Variants in DCC observed in about 807,000 individuals in gnomAD.
The protein encoded by DCC is DCC netrin 1 receptor, also known as netrin receptor DCC.
A neutral mutation model predicts 172.5 loss-of-function variants in DCC; 58 were observed. The observed-to-expected ratio is 0.34, with a 90% CI of 0.27 to 0.42. The LOEUF (loss-of-function observed/expected upper bound fraction) is 0.42, where lower values mean the gene tolerates loss of function less well. DCC is among the 10% of genes least tolerant of loss of function. DCC has a pLI of 1.00. For synonymous variants in DCC, 709 were observed against 644.5 expected, an observed-to-expected ratio of 1.10 and a Z score of -1.52; for missense variants, 1,740 against 1,791.0, an observed-to-expected ratio of 0.97 and a Z score of 0.51.
chr18:53,247,998 C>T (rs905815148), intron 12 of DCC, among the ~76,000 whole-genome samples: 1 of 151,948 alleles, frequency 6.6e-6, no homozygotes, highest in Non-Finnish European at 1.5e-5. Context: ...CCATTAACTG[C>T]TCCATGTCTG....
chr18:53,344,440 C>CTTTTTTTTTTTTTTT (rs71175582), intron 15 of DCC, among the ~76,000 whole-genome samples: 3 of 97,062 alleles, frequency 3.1e-5, no homozygotes, highest in African/African-American at 8.2e-5. Context: ...TTTCGTTTTT[C>CTTTTTTTTTTTTTTT]TTTTTTTTTT....
chr18:53,084,189 C>A (rs1258334242), intron 7 of DCC, among the ~76,000 whole-genome samples: 1 of 152,210 alleles, frequency 6.6e-6, no homozygotes, highest in Non-Finnish European at 1.5e-5. Context: ...CAGGGCATCA[C>A]ATGGCAAGGA....
chr18:52,846,971 G>T (rs771080633), intron 2 of DCC, among the ~76,000 whole-genome samples: 1 of 152,048 alleles, frequency 6.6e-6, no homozygotes, highest in Non-Finnish European at 1.5e-5. Flanking sequence ...AAGTCAGCCT[G>T]CCTGACTTCA....
At chr18:52,767,806 A>G (rs773583539) in intron 2 of DCC, among the ~76,000 whole-genome samples, 12 of 152,180 alleles carry the variant, frequency 7.9e-5, no homozygotes, top group Non-Finnish European at 1.0e-4. Flanking sequence ...CTGTGTAGTT[A>G]TGTAAATAAT....
intron 7 of DCC, among the ~76,000 whole-genome samples, chr18:53,099,919 A>ACTTTT (rs1268353188): frequency 1.6e-5 from 2 of 128,686 alleles, no homozygotes; most frequent in South Asian, 2.3e-4. Flanking sequence ...CACTTAAGAG[A>ACTTTT]CTTTTCTTTT....
intron 5 of DCC, among the ~76,000 whole-genome samples, chr18:52,986,004 C>A (rs1031927816): frequency 2.0e-5 from 3 of 152,056 alleles, no homozygotes; most frequent in Non-Finnish European, 4.4e-5. Flanking sequence ...ACCTTAGTTC[C>A]TTTGGCCTTT....
intron 25 of DCC, among the ~76,000 whole-genome samples, chr18:53,479,503 A>G (rs1272637933): frequency 6.6e-6 from 1 of 152,242 alleles, no homozygotes; most frequent in Non-Finnish European, 1.5e-5. Flanking sequence ...AAATTAATCT[A>G]TTGTTAATTC....
chr18:52,481,276 T>C (rs1174553299), intron 1 of DCC, among the ~76,000 whole-genome samples: 3 of 149,882 alleles, frequency 2.0e-5, no homozygotes, highest in African/African-American at 7.3e-5. Context: ...GCCTGGCGCA[T>C]GTGGCTGCAA....
intron 27 of DCC, among the ~76,000 whole-genome samples, chr18:53,503,387 C>A (rs765262290): frequency 2.6e-5 from 4 of 152,092 alleles, no homozygotes; most frequent in Non-Finnish European, 5.9e-5. Context: ...ATTTCATCAT[C>A]ACCTTATAAT....
intron 12 of DCC, among the ~76,000 whole-genome samples, chr18:53,221,514 T>A (rs1157373527): frequency 6.6e-6 from 1 of 152,122 alleles, no homozygotes; most frequent in Non-Finnish European, 1.5e-5. Flanking sequence ...GAAGGCAAAT[T>A]CTGGATCACA....
At chr18:53,225,833 G>A (rs2056018500) in intron 12 of DCC, among the ~76,000 whole-genome samples, 1 of 152,102 alleles carries the variant, frequency 6.6e-6, no homozygotes, top group South Asian at 2.1e-4. Flanking sequence ...GCTGGCTTGG[G>A]GTAGGCAGAT....
At chr18:52,561,021 T>C (rs1045551191) in intron 1 of DCC, among the ~76,000 whole-genome samples, 11 of 152,170 alleles carry the variant, frequency 7.2e-5, no homozygotes, top group African/African-American at 2.7e-4. Context: ...AGGTTGAATA[T>C]TTCACTTTAT....
Position 52,906,027 on chromosome 18 carries a change from CT to C in DCC, c.413-14del. 6.4e-7 allele frequency: 1 copy of C among 1,553,180 alleles called. No homozygotes were observed. Among genetic ancestry groups the C allele is most frequent in the Non-Finnish European group, 8.9e-7 (1 of 1,124,546 alleles). Reference sequence around the variant, plus strand: ...TTATTTGGAAGACTTATTCTTCCTTCTTTGTTTTTCTCCTAGGACCACTGAG... The same window carrying C: ...TTATTTGGAAGACTTATTCTTCCTTCTTGTTTTTCTCCTAGGACCACTGAG... On this transcript the variant is annotated splice_polypyrimidine_tract_variant and intron_variant, in intron 2 of 28. Coordinates refer to ENST00000442544, the MANE Select transcript of DCC (RefSeq NM_005215.4).
chr18:53,340,720 G>A (rs1396913951), intron 15 of DCC, among the ~76,000 whole-genome samples: 1 of 152,124 alleles, frequency 6.6e-6, no homozygotes, highest in African/African-American at 2.4e-5. Flanking sequence ...ATATCAGGAT[G>A]CCAGTAAGTT....
chr18:53,265,662 A>T (rs1433452785), intron 12 of DCC, among the ~76,000 whole-genome samples: 1 of 152,218 alleles, frequency 6.6e-6, no homozygotes, highest in East Asian at 1.9e-4. Context: ...AGTTCCAGAA[A>T]TCAACTTATC....
At chr18:53,159,721 AT>A (rs34708933) in intron 8 of DCC, among the ~76,000 whole-genome samples, 58,952 of 151,948 alleles carry the variant, frequency 0.39, 12,596 homozygotes, top group East Asian at 0.71. Flanking sequence ...AATGGTTAAA[AT>A]TTTTTCACTC....
At chr18:52,826,914 C>G (rs924239156) in intron 2 of DCC, among the ~76,000 whole-genome samples, 6 of 152,002 alleles carry the variant, frequency 3.9e-5, no homozygotes, top group African/African-American at 1.5e-4. Context: ...TTTTTCTTGC[C>G]AAGATTACCT....
intron 8 of DCC, among the ~76,000 whole-genome samples, chr18:53,160,846 T>A (rs1258982384): frequency 6.6e-6 from 1 of 152,200 alleles, no homozygotes; most frequent in Non-Finnish European, 1.5e-5. Flanking sequence ...GTGACTTTTT[T>A]TTCACCCAAG....
chr18:52,660,892 G>A (rs946021683), intron 1 of DCC, among the ~76,000 whole-genome samples: 8 of 152,194 alleles, frequency 5.3e-5, no homozygotes, highest in South Asian at 4.1e-4. Flanking sequence ...CATCTCAACC[G>A]TATGTTCAGG....
Sources: allele counts gnomAD v4.1 joint callset (sites outside exome capture counted in the v4.1 genomes callset), GRCh38; gene constraint gnomAD v4.1.1; transcripts MANE v1.5; gene names NCBI Gene and HGNC (gene_info 2026-07-23, HGNC 2026-07-21).